Variants in ADGRB1 observed in about 807,000 individuals in gnomAD.
ADGRB1 encodes adhesion G protein-coupled receptor B1.
In ADGRB1, 36 loss-of-function variants were observed where a neutral mutation model predicts 175.7. The observed-to-expected ratio is 0.20, with a 90% CI of 0.16 to 0.27. The LOEUF (loss-of-function observed/expected upper bound fraction) is 0.27, where lower values mean the gene tolerates loss of function less well. Among genes scored for constraint, ADGRB1 ranks in the 10% least tolerant of loss-of-function variants. ADGRB1 has a pLI of 1.00. For missense variants in ADGRB1, 1,731 were observed against 2,255.3 expected (o/e 0.77, Z 4.71); for synonymous variants, 1,054 against 979.4 (o/e 1.08, Z -1.42).
chr8:142,482,574 G>A (rs1416523793), intron 11 of ADGRB1, among the ~76,000 whole-genome samples: 2 of 146,952 alleles, frequency 1.4e-5, no homozygotes, highest in Non-Finnish European at 3.0e-5. Context: ...CCCTGATCCT[G>A]GTCACACACT....
chr8:142,474,283 C>T lies in ADGRB1; in HGVS notation c.785-1191C>T, dbSNP rs80237638. Among the ~76,000 whole-genome samples, 2,103 of 152,218 alleles carry T rather than the reference C, an allele frequency of 0.014. 54 individuals are homozygous for T. Among genetic ancestry groups the T allele is most frequent in the African/African-American group, 0.049 (2,023 of 41,520 alleles). ...GGGCCTCCCCTGCTGTACCTGGGAT[C>T]GAGCTGCCGGATCCCCAGTGTTCCC... is the stretch of plus-strand genomic sequence containing the variant. On this transcript the variant is annotated intron_variant, in intron 2 of 30. Transcript: ENST00000517894. This position sits in a 1 kb window ranked among gnomAD's most constrained non-coding sequence, Gnocchi z 5.8.
chr8:142,489,248 CA>C (rs1841866852), intron 15 of ADGRB1, 87 bp from the exon 16 acceptor site: 2 of 1,562,348 alleles, frequency 1.3e-6, no homozygotes, highest in African/African-American at 1.4e-5. Flanking sequence ...GCGGCGGGTA[CA>C]GGGGCCCTCG....
rs1172272515 is a variant in ADGRB1, at chr8:142,511,220, G to A, written c.2817+147G>A. 2.9e-5 allele frequency: 20 copies of A among 681,220 alleles called. No homozygotes were observed. The highest frequency in any genetic ancestry group is 3.9e-5 in the African/African-American group (2 of 51,122). 42.2% of individuals were successfully genotyped at this position (681,220 alleles called of 1,614,324 possible). A position where few individuals can be genotyped will look rare whatever the true frequency, so the allele number is the denominator to read the frequency against. On this transcript the variant is annotated intron_variant, in intron 18 of 30. Transcript: ENST00000517894. This position sits in a 1 kb window ranked among gnomAD's most constrained non-coding sequence, Gnocchi z 4.5. ...GCAGCCGCCGTGGCCTGGCCCGGCC[G>A]GCGGGGTCCATGCGCCTCTGGAGAG...
chr8:142,497,390 A>G (rs1035746279), intron 17 of ADGRB1, among the ~76,000 whole-genome samples: 8 of 151,054 alleles, frequency 5.3e-5, no homozygotes, highest in Non-Finnish European at 1.2e-4. Flanking sequence ...AAGGGGGGGG[A>G]AGCGGAAGGA....
chr8:142,531,091 G>C (rs1587427060), intron 24 of ADGRB1, among the ~76,000 whole-genome samples: 1 of 152,254 alleles, frequency 6.6e-6, no homozygotes, highest in South Asian at 2.1e-4. Flanking sequence ...GTGACTGACA[G>C]CAGGCAAAGA....
chr8:142,492,885 C>T lies in ADGRB1; in HGVS notation c.2675+2070C>T, dbSNP rs528958000. ...CACAGCCCCAGCACTTCCACCAGCA[C>T]AGGCCCCTCCCCACAGTGCAGAAAC... On this transcript the variant is annotated intron_variant, in intron 17 of 30. Transcript: ENST00000517894. The surrounding 1 kb of genome is among the most constrained non-coding windows in gnomAD (Gnocchi z 4.4). 1.3e-4 allele frequency among the ~76,000 whole-genome samples: 20 copies of T among 152,206 alleles called. No homozygotes were observed. The East Asian group carries it at 3.5e-3, about 27-fold the overall frequency.
chr8:142,521,136 G>A (rs1425596075), intron 20 of ADGRB1, among the ~76,000 whole-genome samples: 2 of 152,176 alleles, frequency 1.3e-5, no homozygotes, highest in Non-Finnish European at 2.9e-5. Flanking sequence ...AAGAAGGGCA[G>A]CTTGTGTTCC....
At chr8:142,499,427 C>G (rs540034505) in intron 17 of ADGRB1, among the ~76,000 whole-genome samples, 2 of 152,244 alleles carry the variant, frequency 1.3e-5, no homozygotes, top group Non-Finnish European at 2.9e-5. Context: ...AGAGCGCCAC[C>G]CTTGGGGGCC....
rs1840123338 is a variant in ADGRB1, at chr8:142,464,279, C to T, written c.81C>T (p.Arg27=). 3 of 1,363,248 alleles carry T rather than the reference C, an allele frequency of 2.2e-6. No individual in the cohort carries two copies. Among genetic ancestry groups the T allele is most frequent in the Middle Eastern group, 2.7e-4 (1 of 3,756 alleles). The allele number at this position is 1,363,248 out of a possible 1,614,324, so 84.4% of individuals were successfully genotyped here. ...TGCTGCTGCTGCTGCTGGGACGCCGCGCGCGGGCGGCCGCCGGAGCAGACG... is the reference window on the plus strand; with the variant it reads ...TGCTGCTGCTGCTGCTGGGACGCCGTGCGCGGGCGGCCGCCGGAGCAGACG... The part of the protein sequence containing the change: ...LLLLLLLLGR[R]ARAAAGADAG... Residue 27 remains arginine (R), a synonymous_variant, in exon 2 of 31, where the codon CGC becomes CGT. Coordinates refer to ENST00000517894, the MANE Select transcript of ADGRB1 (RefSeq NM_001702.3).
chr8:142,523,222 C>G (rs985167156), intron 22 of ADGRB1, among the ~76,000 whole-genome samples: 1 of 152,146 alleles, frequency 6.6e-6, no homozygotes, highest in Non-Finnish European at 1.5e-5. Context: ...AGCCAGGAAG[C>G]TTGGGGTCAT....
intron 24 of ADGRB1, among the ~76,000 whole-genome samples, chr8:142,529,808 A>C (rs1037691570): frequency 1.3e-5 from 2 of 149,364 alleles, no homozygotes; most frequent in African/African-American, 5.0e-5. Flanking sequence ...GTGAGTGTGC[A>C]TCTGTGTGAG....
intron 18 of ADGRB1, among the ~76,000 whole-genome samples, chr8:142,515,560 G>A (rs1018661404): frequency 5.9e-5 from 9 of 152,318 alleles, no homozygotes; most frequent in East Asian, 3.9e-4. Context: ...ACGCTTACTC[G>A]GCCGCCTGTG....
chr8:142,506,779 G>C (rs1842872957), intron 17 of ADGRB1, among the ~76,000 whole-genome samples: 1 of 152,228 alleles, frequency 6.6e-6, no homozygotes. Flanking sequence ...AAGTCGACAT[G>C]CATCCAAGAT....
chr8:142,449,789 G>A lies in ADGRB1; in HGVS notation c.-535G>A, dbSNP rs1839225249. On this transcript the variant is annotated 5_prime_UTR_variant, in exon 1 of 31. Transcript: ENST00000517894. ...CGGAGCCGGAGAGCCGGGAGCACAG[G>A]CGGCCGCGCCGCGTCCTGGCCCGGC... 6.8e-6 allele frequency: 1 copy of A among 146,740 alleles called. No individual in the cohort carries two copies. Among genetic ancestry groups the A allele is most frequent in the Non-Finnish European group, 1.5e-5 (1 of 65,744 alleles). 9.1% of individuals were successfully genotyped at this position (146,740 alleles called of 1,614,324 possible).
Position 142,544,447 on chromosome 8 carries a change from A to G in ADGRB1, c.*30A>G, listed in dbSNP as rs903330310. The G allele has an allele frequency of 2.8e-6, 4 of 1,445,030 alleles. No homozygotes were observed. In the South Asian group the frequency reaches 4.3e-5, roughly 16 times the overall value. The allele number at this position is 1,445,030 out of a possible 1,614,324, so 89.5% of individuals were successfully genotyped here. A position where few individuals can be genotyped will look rare whatever the true frequency, so the allele number is the denominator to read the frequency against. On this transcript the variant is annotated 3_prime_UTR_variant, in exon 31 of 31. Transcript: ENST00000517894. ...GTGGGCGGCGGCCACGCACTGGGCCACGGAGGAGGGATGCTGCTCCGCCCG... is the reference window on the plus strand; with the variant it reads ...GTGGGCGGCGGCCACGCACTGGGCCGCGGAGGAGGGATGCTGCTCCGCCCG...
intron 5 of ADGRB1, 32 bp from the exon 6 acceptor site, chr8:142,477,353 A>G (rs1472712460): frequency 3.4e-6 from 5 of 1,480,660 alleles, no homozygotes; most frequent in Admixed American, 1.8e-5. Context: ...CGGTGGCCGC[A>G]GTGGGCAGCA....
intron 17 of ADGRB1, 103 bp downstream of exon 17, chr8:142,490,918 C>T: frequency 7.0e-7 from 1 of 1,421,394 alleles, no homozygotes; most frequent in Non-Finnish European, 9.6e-7. Flanking sequence ...GTCCACTTGC[C>T]CCCCAGCTGT....
chr8:142,483,372 A>C (rs1356826394), intron 11 of ADGRB1, among the ~76,000 whole-genome samples: 3 of 93,798 alleles, frequency 3.2e-5, no homozygotes, highest in African/African-American at 1.7e-4. Flanking sequence ...TCACACGCTG[A>C]GCCCTGACCC....
chr8:142,475,227 C>A (rs777392582), intron 2 of ADGRB1, among the ~76,000 whole-genome samples: 1 of 152,220 alleles, frequency 6.6e-6, no homozygotes, highest in Non-Finnish European at 1.5e-5. Context: ...ATCCTGGCGG[C>A]AAACCTGCCC....
Sources: allele counts gnomAD v4.1 joint callset (sites outside exome capture counted in the v4.1 genomes callset), GRCh38; gene constraint gnomAD v4.1.1; non-coding constraint Gnocchi (gnomAD v3.1); transcripts MANE v1.5; gene names NCBI Gene and HGNC (gene_info 2026-07-23, HGNC 2026-07-21).